The following DMD variants were observed in gnomAD, a reference collection of about 807,000 sequenced individuals.
DMD encodes mutant dystrophin.
DMD carries 63 observed loss-of-function variants against 330.1 expected under a neutral mutation model. That is an observed-to-expected ratio of 0.19 (90% CI 0.16 to 0.24). The LOEUF is 0.24. Among genes scored for constraint, DMD ranks in the 10% least tolerant of loss-of-function variants. DMD has a pLI of 1.00. For missense variants in DMD, 3,344 were observed against 2,684.1 expected (o/e 1.25, Z -5.43); for synonymous variants, 1,223 against 959.8 (o/e 1.27, Z -5.07).
chrX:32,542,568 C>T (rs140969908), intron 17 of DMD, among the ~76,000 whole-genome samples: 32 of 112,151 alleles, frequency 2.9e-4, no homozygotes, highest in African/African-American at 1.0e-3. Flanking sequence ...TGGAAGAGGA[C>T]ATCATTTAAA....
intron 1 of DMD, among the ~76,000 whole-genome samples, chrX:33,102,316 G>GT (rs3083153): frequency 5.7e-4 from 55 of 95,817 alleles, no homozygotes; most frequent in African/African-American, 1.6e-3. Flanking sequence ...GGTTTTTTTT[G>GT]TTTTTTTTTT....
At chrX:32,331,258 A>G (rs1053017218) in intron 41 of DMD, among the ~76,000 whole-genome samples, 7 of 112,060 alleles carry the variant, frequency 6.2e-5, no homozygotes, top group African/African-American at 2.3e-4. Flanking sequence ...CATAGTCACA[A>G]TGAGAAGTAA....
intron 77 of DMD, among the ~76,000 whole-genome samples, chrX:31,131,504 G>A (rs184396793): frequency 9.0e-5 from 10 of 111,573 alleles, no homozygotes; most frequent in Non-Finnish European, 1.7e-4. Flanking sequence ...GATGTAAAAT[G>A]TTCCTCTGAT....
intron 61 of DMD, among the ~76,000 whole-genome samples, chrX:31,341,491 G>A (rs1214746005): frequency 8.9e-6 from 1 of 111,904 alleles, no homozygotes; most frequent in East Asian, 2.8e-4. Flanking sequence ...AACCGCTATC[G>A]ATACCATTTT....
At chrX:33,244,736 C>A (rs2052639515) in intron 1 of DMD, among the ~76,000 whole-genome samples, 1 of 111,545 alleles carries the variant, frequency 9.0e-6, no homozygotes. Flanking sequence ...GTTTCTTGAG[C>A]ACAGCTGAGC....
intron 29 of DMD, among the ~76,000 whole-genome samples, chrX:32,427,271 T>C (rs997507800): frequency 9.0e-6 from 1 of 111,277 alleles, no homozygotes; most frequent in African/African-American, 3.3e-5. Flanking sequence ...GTAGCTTTGA[T>C]AGGAGCTGTC....
intron 55 of DMD, among the ~76,000 whole-genome samples, chrX:31,608,422 G>A (rs1910959959): frequency 9.0e-6 from 1 of 110,983 alleles, no homozygotes. Context: ...ACTAGACAAG[G>A]GAACATCTAC....
At chrX:32,896,033 T>C (rs765678052) in intron 2 of DMD, among the ~76,000 whole-genome samples, 2 of 111,565 alleles carry the variant, frequency 1.8e-5, no homozygotes, top group Non-Finnish European at 1.9e-5. Flanking sequence ...TAATGACTTA[T>C]AAGAAAAATT....
At chrX:32,909,150 CA>C (rs36075436) in intron 2 of DMD, among the ~76,000 whole-genome samples, 55 of 68,227 alleles carry the variant, frequency 8.1e-4, no homozygotes, top group African/African-American at 2.1e-3. Flanking sequence ...TCTATATGAG[CA>C]AAAAAAAAAA....
chrX:32,650,363 T>C (rs1341869185), intron 9 of DMD, among the ~76,000 whole-genome samples: 2 of 112,024 alleles, frequency 1.8e-5, no homozygotes, highest in Non-Finnish European at 3.8e-5. Context: ...TGTATCATAC[T>C]TCTTTTTCAT....
chrX:32,671,981 T>C (rs2061663681), intron 9 of DMD, among the ~76,000 whole-genome samples: 1 of 111,304 alleles, frequency 9.0e-6, no homozygotes, highest in South Asian at 3.7e-4. Flanking sequence ...AAATGAAAAA[T>C]GACAGAAAAG....
chrX:32,854,097 A>G (rs2081357063), intron 2 of DMD, among the ~76,000 whole-genome samples: 1 of 111,754 alleles, frequency 8.9e-6, no homozygotes, highest in Non-Finnish European at 1.9e-5. Context: ...ACCTAAAGAG[A>G]GCTGGAAACC....
chrX:32,862,986 C>T (rs181693135), intron 2 of DMD, among the ~76,000 whole-genome samples: 1,203 of 110,705 alleles, frequency 0.011, 7 homozygotes, highest in Non-Finnish European at 0.018. Context: ...ATCCACCTGC[C>T]TCAGCCTCCC....
chrX:31,415,271 G>T (rs1255064852), intron 60 of DMD, among the ~76,000 whole-genome samples: 1 of 112,492 alleles, frequency 8.9e-6, no homozygotes, highest in African/African-American at 3.2e-5. Flanking sequence ...ACTAACATGA[G>T]ACTTCTCTTA....
chrX:32,815,510 T>TACACACACACACAC (rs1316543721), intron 6 of DMD, among the ~76,000 whole-genome samples: 3 of 58,682 alleles, frequency 5.1e-5, no homozygotes, highest in African/African-American at 2.3e-4. Flanking sequence ...TATATATATA[T>TACACACACACACAC]ATATATATAT....
chrX:32,654,099 G>T (rs1278808980), intron 9 of DMD, among the ~76,000 whole-genome samples: 2 of 111,479 alleles, frequency 1.8e-5, no homozygotes, highest in Non-Finnish European at 3.8e-5. Context: ...TCTGCAAACA[G>T]GGACAATTTG....
chrX:32,343,723 A>T (rs2146999229), intron 39 of DMD, among the ~76,000 whole-genome samples: 1 of 111,655 alleles, frequency 9.0e-6, no homozygotes, highest in Admixed American at 9.5e-5. Context: ...CATCAACAAA[A>T]CTTTATGTAC....
intron 2 of DMD, among the ~76,000 whole-genome samples, chrX:33,006,090 A>C (rs771462360): frequency 8.9e-6 from 1 of 111,872 alleles, no homozygotes; most frequent in Admixed American, 9.6e-5. Context: ...GATGAAAGTT[A>C]TCAGAGGAAC....
At chrX:33,315,942 G>A (rs1232555144) in intron 1 of DMD, among the ~76,000 whole-genome samples, 1 of 110,467 alleles carries the variant, frequency 9.1e-6, no homozygotes, top group Admixed American at 9.7e-5. Context: ...GGAAACATAT[G>A]TTCCTTTATT....
Sources: gnomAD v4.1 joint callset for allele counts (sites outside exome capture counted in the v4.1 genomes callset) on GRCh38, gnomAD v4.1.1 for gene constraint, MANE v1.5 for transcripts, NCBI Gene and HGNC (gene_info 2026-07-23, HGNC 2026-07-21) for gene names.